Variants in TOPBP1 observed in about 807,000 individuals in gnomAD.
TOPBP1 encodes DNA topoisomerase II binding protein 1, also known as DNA topoisomerase 2-binding protein 1.
In TOPBP1, 28 loss-of-function variants were observed where a neutral mutation model predicts 167.7. The observed-to-expected ratio is 0.17, with a 90% CI of 0.12 to 0.23. The LOEUF (loss-of-function observed/expected upper bound fraction) is 0.23, where lower values mean the gene tolerates loss of function less well. Among genes scored for constraint, TOPBP1 ranks in the 10% least tolerant of loss-of-function variants. The pLI is 1.00. For missense variants in TOPBP1, 1,554 were observed against 1,809.6 expected, an observed-to-expected ratio of 0.86 and a Z score of 2.56; for synonymous variants, 598 against 611.4, an observed-to-expected ratio of 0.98 and a Z score of 0.32.
At chr3:133,602,797 A>C (rs913357270) in intron 27 of TOPBP1, among the ~76,000 whole-genome samples, 15 of 152,106 alleles carry the variant, frequency 9.9e-5, no homozygotes, top group African/African-American at 3.4e-4. Flanking sequence ...GCAGTGGGCC[A>C]GGTTTGGCCA....
rs1302217889 is a variant in TOPBP1, at chr3:133,640,151, G to A, written c.2041C>T (p.Arg681Cys). ...LGASVQEYFVRKSNAKKGMFA... is the reference protein window; with the variant it reads ...LGASVQEYFVCKSNAKKGMFA... Reference sequence around the variant, plus strand: ...ATGCCTTTCTTTGCATTGGATTTGCGAACAAAGTATTCTTGAACACTGAAA... The same window carrying A: ...ATGCCTTTCTTTGCATTGGATTTGCAAACAAAGTATTCTTGAACACTGAAA... Residue 681 changes from arginine to cysteine, a missense_variant, in exon 13 of 28, where the codon CGC becomes TGC. Transcript: ENST00000260810. 16 of 1,612,862 alleles carry A rather than the reference G, an allele frequency of 9.9e-6. No homozygotes were observed. The highest frequency in any genetic ancestry group is 5.5e-5 in the South Asian group (5 of 91,004).
At chr3:133,626,907 T>C (rs560097732) in intron 16 of TOPBP1, among the ~76,000 whole-genome samples, 1 of 152,312 alleles carries the variant, frequency 6.6e-6, no homozygotes, top group South Asian at 2.1e-4. Context: ...ATGAAGATGC[T>C]GCATCTGATT....
At position 133,655,423 on chromosome 3, in the gene TOPBP1, G is replaced by A. The variant is rs746121786; in HGVS notation, c.609C>T (p.Cys203=). ...EDFKCPIFLG[C]IICVTGLCGL... ...CACATAAGCCAGTCACACAGATTAT[G>A]CAACCAAGAAAAATAGGACACTTGA... Residue 203 remains cysteine, a synonymous_variant, in exon 6 of 28, where the codon TGC becomes TGT. Transcript: ENST00000260810. 6.2e-7 allele frequency: 1 copy of A among 1,600,958 alleles called. No individual in the cohort carries two copies. The highest frequency in any genetic ancestry group is 1.1e-5 in the South Asian group (1 of 88,796).
chr3:133,627,991 A>G (rs1327021811), intron 16 of TOPBP1: 1 of 168,816 alleles, frequency 5.9e-6, no homozygotes, highest in Non-Finnish European at 1.3e-5. Flanking sequence ...CACTAGTAAA[A>G]ATAAACTTAA....
At chr3:133,611,825 C>T (rs1934692822) in intron 24 of TOPBP1, among the ~76,000 whole-genome samples, 1 of 152,100 alleles carries the variant, frequency 6.6e-6, no homozygotes, top group African/African-American at 2.4e-5. Context: ...TTGATTTGAC[C>T]TCCTGGGCTC....
intron 14 of TOPBP1, among the ~76,000 whole-genome samples, chr3:133,636,755 T>C (rs1225568654): frequency 6.6e-6 from 1 of 152,154 alleles, no homozygotes; most frequent in Non-Finnish European, 1.5e-5. Context: ...ATGAGAATAA[T>C]GAAGCCGAAA....
rs370474081 is a variant in TOPBP1 at position 133,652,473 on chromosome 3, T to C, written c.1079A>G (p.Asp360Gly). Reference protein sequence around the residue: ...SAFQAPEDLLDGCRIYLCGFS... With the variant: ...SAFQAPEDLLGGCRIYLCGFS... ...ATAATAAAGACGTACCCGACAACCA[T>C]CTAATAAATCTTCAGGTGCTTGAAA... Residue 360 changes from aspartate to glycine, a missense_variant, in exon 8 of 28, where the codon GAT becomes GGT. This residue lies in a region of TOPBP1 where 1,197 missense variants were observed against 1,351.5 expected (regional missense o/e 0.89). Transcript: ENST00000260810. 2 of 1,611,734 alleles carry C rather than the reference T, an allele frequency of 1.2e-6. No homozygotes were observed. Among genetic ancestry groups the C allele is most frequent in the Non-Finnish European group, 1.7e-6 (2 of 1,179,790 alleles).
At chr3:133,604,240 T>G (rs551761130) in intron 27 of TOPBP1, among the ~76,000 whole-genome samples, 2 of 151,840 alleles carry the variant, frequency 1.3e-5, no homozygotes, top group South Asian at 4.2e-4. Flanking sequence ...GTTCAAGCGA[T>G]TCTCCTGCCT....
intron 27 of TOPBP1, among the ~76,000 whole-genome samples, chr3:133,603,641 C>G (rs1175111820): frequency 1.3e-5 from 2 of 151,976 alleles, no homozygotes; most frequent in Non-Finnish European, 2.9e-5. Flanking sequence ...ATGTGAAAAT[C>G]AAAGAAATTA....
intron 10 of TOPBP1, among the ~76,000 whole-genome samples, chr3:133,649,087 T>C (rs1284288478): frequency 6.6e-6 from 1 of 152,146 alleles, no homozygotes; most frequent in Non-Finnish European, 1.5e-5. Flanking sequence ...GAGGTATTTG[T>C]TACAAGGTTT....
intron 20 of TOPBP1, among the ~76,000 whole-genome samples, chr3:133,618,793 G>A (rs1559811584): frequency 6.6e-6 from 1 of 152,034 alleles, no homozygotes; most frequent in Admixed American, 6.6e-5. Context: ...GGGAAACAGG[G>A]TAATGTTTCA....
At position 133,620,188 on chromosome 3, in the gene TOPBP1, C is replaced by T. The variant is rs766631241; in HGVS notation, c.3338G>A (p.Arg1113His). The part of the protein sequence containing the change: ...SSTPDSTRSA[R>H]SGRSRVLEAL... Reference sequence around the variant, plus strand: ...CTCTAGGACTCTACTTCGTCCACTGCGAGCAGAGCGAGTGCTGTCAGGGGT... The same window carrying T: ...CTCTAGGACTCTACTTCGTCCACTGTGAGCAGAGCGAGTGCTGTCAGGGGT... The change falls in exon 20 of 28, where the codon CGC becomes CAC. Residue 1113 changes from arginine to histidine, a missense_variant. This residue lies in a region of TOPBP1 where 1,197 missense variants were observed against 1,351.5 expected (regional missense o/e 0.89). Transcript: ENST00000260810. 3.1e-6 allele frequency: 5 copies of T among 1,613,714 alleles called. No homozygotes were observed. The highest frequency in any genetic ancestry group is 2.2e-5 in the East Asian group (1 of 44,860).
chr3:133,638,041 G>A lies in TOPBP1; in HGVS notation c.2355C>T (p.Arg785=). 1 of 1,613,998 alleles carries A rather than the reference G, an allele frequency of 6.2e-7. No individual in the cohort carries two copies. Residue 785 remains arginine (R), a synonymous_variant, in exon 14 of 28, where the codon CGC becomes CGT. Coordinates refer to ENST00000260810, the MANE Select transcript of TOPBP1 (RefSeq NM_007027.4). The part of the protein sequence containing the change: ...KTVVTPLDMN[R]FQSKAFRAVV... ...CAGCACGGAAAGCTTTACTCTGAAA[G>A]CGGTTCATATCTAAAGGTGTAACGA...
chr3:133,620,968 A>G (rs1935071807), intron 19 of TOPBP1, among the ~76,000 whole-genome samples: 1 of 152,036 alleles, frequency 6.6e-6, no homozygotes, highest in African/African-American at 2.4e-5. Context: ...CTACACTCTG[A>G]GATGTCTTAT....
chr3:133,658,911 C>T, intron 3 of TOPBP1, 105 bp downstream of exon 3: 1 of 1,235,910 alleles, frequency 8.1e-7, no homozygotes, highest in East Asian at 2.8e-5. Flanking sequence ...CCAATGTACT[C>T]ATAAGTTGCA....
At chr3:133,619,006 G>T (rs1335049188) in intron 20 of TOPBP1, among the ~76,000 whole-genome samples, 2 of 150,664 alleles carry the variant, frequency 1.3e-5, no homozygotes, top group African/African-American at 4.9e-5. Flanking sequence ...CGATTGTAAT[G>T]ATTCCACGTG....
At chr3:133,655,916 C>T (rs1232619695) in intron 5 of TOPBP1, among the ~76,000 whole-genome samples, 1 of 152,028 alleles carries the variant, frequency 6.6e-6, no homozygotes, top group Non-Finnish European at 1.5e-5. Context: ...TATTCTGTTG[C>T]CATGCTAGGG....
rs1936592654 is a variant in TOPBP1 at position 133,659,169 on chromosome 3, T to C, written c.85-19A>G. 3 of 1,536,164 alleles carry C rather than the reference T, an allele frequency of 2.0e-6. No homozygotes were observed. The highest frequency in any genetic ancestry group is 2.6e-6 in the Non-Finnish European group (3 of 1,144,510). On this transcript the variant is annotated intron_variant, in intron 2 of 27. Coordinates refer to ENST00000260810, the MANE Select transcript of TOPBP1 (RefSeq NM_007027.4). ...TTATGGACTGAAAGAAAAAATAAAA[T>C]AAGAATGTACCTGAAATTACTCTCC...
intron 14 of TOPBP1, 42 bp downstream of exon 14, chr3:133,637,834 G>A (rs374264825): frequency 6.9e-6 from 11 of 1,593,180 alleles, no homozygotes; most frequent in South Asian, 3.4e-5. Flanking sequence ...CTTTATAAAC[G>A]GTAAAACTGT....
Sources: gnomAD v4.1 joint callset for allele counts (sites outside exome capture counted in the v4.1 genomes callset) on GRCh38, gnomAD v4.1.1 for gene constraint, gnomAD v4.1.1 regional missense constraint, MANE v1.5 for transcripts, NCBI Gene and HGNC (gene_info 2026-07-23, HGNC 2026-07-21) for gene names.